Variants in CNBD1 observed in about 807,000 individuals in gnomAD.
CNBD1 encodes the protein cyclic nucleotide-binding domain-containing protein 1.
A neutral mutation model predicts 54.4 loss-of-function variants in CNBD1; 71 were observed. The ratio of observed to expected loss-of-function variants is 1.30; its 90% CI spans 1.08 to 1.59. The LOEUF (loss-of-function observed/expected upper bound fraction) is 1.59. Ranked by LOEUF, CNBD1 falls within the 40% of genes most tolerant of loss-of-function variation. CNBD1 has a pLI of 0.00. For synonymous variants in CNBD1, 182 were observed against 170.7 expected (o/e 1.07, Z -0.51); for missense variants, 659 against 518.0 (o/e 1.27, Z -2.64).
chr8:86,967,996 G>A (rs747738078), intron 4 of CNBD1, among the ~76,000 whole-genome samples: 7 of 151,984 alleles, frequency 4.6e-5, no homozygotes, highest in Non-Finnish European at 7.4e-5. Flanking sequence ...TCAGTTTTTG[G>A]TGAGCTTGTG....
intron 5 of CNBD1, among the ~76,000 whole-genome samples, chr8:87,229,850 C>T (rs189930029): frequency 6.6e-6 from 1 of 152,218 alleles, no homozygotes; most frequent in East Asian, 1.9e-4. Flanking sequence ...AATATGCCAA[C>T]TATGTTAATT....
intron 4 of CNBD1, among the ~76,000 whole-genome samples, chr8:87,052,782 A>C (rs1810337024): frequency 6.6e-6 from 1 of 152,196 alleles, no homozygotes; most frequent in Non-Finnish European, 1.5e-5. Flanking sequence ...ACATCTCTCC[A>C]TGTATGATCA....
intron 4 of CNBD1, among the ~76,000 whole-genome samples, chr8:87,079,589 G>T (rs141297425): frequency 6.6e-6 from 1 of 151,914 alleles, no homozygotes. Flanking sequence ...GAATCTTTTC[G>T]TGGACATATT....
chr8:86,924,307 A>T (rs1339788466), intron 3 of CNBD1, among the ~76,000 whole-genome samples: 1 of 152,182 alleles, frequency 6.6e-6, no homozygotes, highest in Non-Finnish European at 1.5e-5. Context: ...ATTAGTAATA[A>T]TTGTAGGTAG....
chr8:87,125,657 C>T (rs1431203514), intron 4 of CNBD1, among the ~76,000 whole-genome samples: 4 of 151,622 alleles, frequency 2.6e-5, no homozygotes, highest in Non-Finnish European at 5.9e-5. Flanking sequence ...TCATTCTTTC[C>T]TTTTAAAATA....
At chr8:87,359,373 A>G (rs1810485587) in intron 10 of CNBD1, among the ~76,000 whole-genome samples, 1 of 152,128 alleles carries the variant, frequency 6.6e-6, no homozygotes, top group Non-Finnish European at 1.5e-5. Flanking sequence ...CTAATTGAAT[A>G]TTCTCTAAAT....
intron 3 of CNBD1, among the ~76,000 whole-genome samples, chr8:86,928,419 T>C (rs1317589474): frequency 1.3e-5 from 2 of 152,124 alleles, no homozygotes; most frequent in African/African-American, 2.4e-5. Flanking sequence ...TCCCTGAGGA[T>C]TGTGGTCTCC....
At chr8:87,411,509 C>G (rs1456877585) in intron 2 of CNBD1, among the ~76,000 whole-genome samples, 1 of 148,002 alleles carries the variant, frequency 6.8e-6, no homozygotes, top group Non-Finnish European at 1.5e-5. Context: ...TGATTCATAT[C>G]CAACCAATTA....
intron 8 of CNBD1, among the ~76,000 whole-genome samples, chr8:87,289,128 T>G (rs1808743821): frequency 6.6e-6 from 1 of 152,102 alleles, no homozygotes; most frequent in South Asian, 2.1e-4. Flanking sequence ...TAGTATGATT[T>G]CCAAGCATAA....
chr8:87,297,912 A>G (rs1383039567), intron 8 of CNBD1, among the ~76,000 whole-genome samples: 2 of 151,780 alleles, frequency 1.3e-5, no homozygotes, highest in African/African-American at 2.4e-5. Context: ...CTAGAATTCT[A>G]TATTTTATCT....
intron 10 of CNBD1, among the ~76,000 whole-genome samples, chr8:87,356,672 G>A (rs1047666901): frequency 3.9e-5 from 6 of 152,126 alleles, no homozygotes; most frequent in African/African-American, 1.4e-4. Context: ...CATAAAATTT[G>A]AAAAATTCAC....
chr8:86,960,442 G>A (rs775205514), intron 4 of CNBD1, among the ~76,000 whole-genome samples: 2 of 152,232 alleles, frequency 1.3e-5, no homozygotes, highest in African/African-American at 2.4e-5. Flanking sequence ...GGGGAGGGGC[G>A]TCCACTGTCA....
chr8:87,376,722 A>T (rs1810948212), intron 10 of CNBD1, among the ~76,000 whole-genome samples: 1 of 151,986 alleles, frequency 6.6e-6, no homozygotes. Flanking sequence ...AATCTTAGTT[A>T]AGTTTATTAA....
At chr8:86,902,682 C>T (rs945025490) in intron 2 of CNBD1, among the ~76,000 whole-genome samples, 1 of 152,022 alleles carries the variant, frequency 6.6e-6, no homozygotes, top group Non-Finnish European at 1.5e-5. Flanking sequence ...TGCAGGTAAG[C>T]TTCAATGAAG....
chr8:87,180,533 T>G (rs529398132), intron 4 of CNBD1, among the ~76,000 whole-genome samples: 1 of 152,294 alleles, frequency 6.6e-6, no homozygotes, highest in East Asian at 1.9e-4. Flanking sequence ...GATAAATAGT[T>G]GGATGTGTCA....
intron 8 of CNBD1, among the ~76,000 whole-genome samples, chr8:87,312,619 C>T (rs1167684662): frequency 6.6e-6 from 1 of 151,992 alleles, no homozygotes; most frequent in Non-Finnish European, 1.5e-5. Context: ...TTTGCACTTC[C>T]ATATGCAAGT....
intron 4 of CNBD1, among the ~76,000 whole-genome samples, chr8:87,178,984 C>T (rs1370791107): frequency 4.6e-5 from 7 of 152,028 alleles, no homozygotes; most frequent in Admixed American, 1.3e-4. Context: ...CTCGGCTCAC[C>T]GCAACCTCTG....
At chr8:87,286,704 G>A (rs1476164857) in intron 8 of CNBD1, 33 bp downstream of exon 8, 4 of 1,462,928 alleles carry the variant, frequency 2.7e-6, no homozygotes, top group Admixed American at 4.2e-5. Context: ...CATTTTGTTT[G>A]CATTCTGTTA....
Position 87,314,286 on chromosome 8 carries a change from A to G in CNBD1, c.1042+27615A>G, listed in dbSNP as rs1220036430. 2.0e-5 allele frequency among the ~76,000 whole-genome samples: 3 copies of G among 150,948 alleles called. No individual in the cohort carries two copies. In the East Asian group the frequency reaches 5.8e-4, roughly 29 times the overall value. On this transcript the variant is annotated intron_variant, in intron 8 of 10. Coordinates refer to ENST00000518476, the MANE Select transcript of CNBD1 (RefSeq NM_173538.3). ...ACCCAAAACAAAGTTCATTTATTCT[A>G]GGAATTCAATAAAGCATCTCATTTT...
Sources: gnomAD v4.1 joint callset for allele counts (sites outside exome capture counted in the v4.1 genomes callset) on GRCh38, gnomAD v4.1.1 for gene constraint, MANE v1.5 for transcripts, NCBI Gene and HGNC (gene_info 2026-07-23, HGNC 2026-07-21) for gene names.